The following PLXDC2 variants were observed in gnomAD, a reference collection of about 807,000 sequenced individuals.
PLXDC2 encodes the protein plexin domain-containing protein 2.
PLXDC2 carries 40 observed loss-of-function variants against 68.9 expected under a neutral mutation model. The ratio of observed to expected loss-of-function variants is 0.58; its 90% CI spans 0.45 to 0.76. The LOEUF (loss-of-function observed/expected upper bound fraction) is 0.76, where lower values mean the gene tolerates loss of function less well. PLXDC2 is among the 30% of genes least tolerant of loss of function. The pLI is 0.00. For synonymous variants in PLXDC2, 243 were observed against 234.2 expected, an observed-to-expected ratio of 1.04 and a Z score of -0.34; for missense variants, 644 against 661.9, an observed-to-expected ratio of 0.97 and a Z score of 0.30.
intron 1 of PLXDC2, among the ~76,000 whole-genome samples, chr10:19,952,108 T>G (rs530270004): frequency 2.0e-5 from 3 of 152,278 alleles, no homozygotes; most frequent in Non-Finnish European, 4.4e-5. Context: ...CATATACCCT[T>G]GTAGCAATCC....
At chr10:19,834,030 G>A (rs1836743313) in intron 1 of PLXDC2, among the ~76,000 whole-genome samples, 1 of 151,508 alleles carries the variant, frequency 6.6e-6, no homozygotes, top group South Asian at 2.1e-4. Flanking sequence ...GGCAATAGAA[G>A]TGGACGTCTT....
intron 4 of PLXDC2, among the ~76,000 whole-genome samples, chr10:20,130,352 T>C (rs1833850934): frequency 6.6e-6 from 1 of 152,188 alleles, no homozygotes; most frequent in Non-Finnish European, 1.5e-5. Flanking sequence ...ATGTTTATTG[T>C]GTATCTTGTA....
chr10:20,082,070 A>AAAAAAAAAAC (rs1554765383), intron 4 of PLXDC2, among the ~76,000 whole-genome samples: 236 of 121,962 alleles, frequency 1.9e-3, no homozygotes, highest in East Asian at 0.019. Flanking sequence ...AAATCAAAAA[A>AAAAAAAAAAC]AAAAAACAGG....
intron 4 of PLXDC2, among the ~76,000 whole-genome samples, chr10:20,142,781 T>A (rs1246001484): frequency 1.3e-5 from 2 of 151,966 alleles, no homozygotes; most frequent in African/African-American, 4.8e-5. Context: ...CATGGGTGTT[T>A]AGCCCCCTTT....
intron 6 of PLXDC2, among the ~76,000 whole-genome samples, chr10:20,159,841 T>G (rs1486873201): frequency 6.6e-6 from 1 of 152,150 alleles, no homozygotes. Context: ...ACATGACAGA[T>G]TTTCTTACTT....
At chr10:19,929,740 C>T (rs1338313305) in intron 1 of PLXDC2, among the ~76,000 whole-genome samples, 1 of 152,124 alleles carries the variant, frequency 6.6e-6, no homozygotes, top group African/African-American at 2.4e-5. Context: ...GAAATATAAC[C>T]ACTGATACAA....
intron 1 of PLXDC2, among the ~76,000 whole-genome samples, chr10:19,858,353 G>A (rs1186860773): frequency 3.3e-5 from 5 of 152,078 alleles, no homozygotes; most frequent in South Asian, 4.1e-4. Context: ...TTTTCAAACC[G>A]AAATCTGCAG....
intron 13 of PLXDC2, among the ~76,000 whole-genome samples, chr10:20,267,506 T>C (rs1835886291): frequency 6.6e-6 from 1 of 152,136 alleles, no homozygotes; most frequent in South Asian, 2.1e-4. Flanking sequence ...TGAACCATTC[T>C]ATGTAACTCA....
chr10:19,964,583 G>A (rs1834217072), intron 1 of PLXDC2, among the ~76,000 whole-genome samples: 1 of 152,176 alleles, frequency 6.6e-6, no homozygotes, highest in Non-Finnish European at 1.5e-5. Flanking sequence ...TAATGCCTCT[G>A]AGCCTTGGGT....
At chr10:20,149,229 C>CTTTTT (rs71200986) in intron 6 of PLXDC2, among the ~76,000 whole-genome samples, 199 of 34,962 alleles carry the variant, frequency 5.7e-3, no homozygotes, top group East Asian at 0.012. Flanking sequence ...TTTTTCTTTT[C>CTTTTT]TTTTTTTTTT....
intron 1 of PLXDC2, among the ~76,000 whole-genome samples, chr10:19,967,504 A>G (rs998460461): frequency 2.4e-4 from 37 of 152,304 alleles, no homozygotes; most frequent in African/African-American, 8.4e-4. Flanking sequence ...ATGAAACCTA[A>G]TCTTCGAACT....
intron 1 of PLXDC2, among the ~76,000 whole-genome samples, chr10:19,982,549 A>G (rs1442245653): frequency 2.6e-5 from 4 of 152,170 alleles, no homozygotes; most frequent in African/African-American, 9.7e-5. Flanking sequence ...ATTAATTAAC[A>G]TATATGTTTT....
intron 1 of PLXDC2, among the ~76,000 whole-genome samples, chr10:19,958,585 A>G (rs568237695): frequency 3.9e-5 from 6 of 152,106 alleles, no homozygotes; most frequent in Non-Finnish European, 8.8e-5. Flanking sequence ...CTGCATGTAA[A>G]ATATGATTTT....
chr10:20,213,103 T>G (rs145014471), intron 10 of PLXDC2, among the ~76,000 whole-genome samples: 6 of 152,268 alleles, frequency 3.9e-5, no homozygotes, highest in African/African-American at 9.6e-5. Flanking sequence ...TATATGCCTG[T>G]GCATCTTCTT....
intron 6 of PLXDC2, among the ~76,000 whole-genome samples, chr10:20,163,314 T>C (rs1564338482): frequency 1.3e-5 from 2 of 152,204 alleles, no homozygotes; most frequent in Admixed American, 6.5e-5. Context: ...TGAACTTTTT[T>C]CTTAATTTGT....
intron 1 of PLXDC2, among the ~76,000 whole-genome samples, chr10:19,847,678 T>C (rs1158474342): frequency 6.6e-6 from 1 of 152,232 alleles, no homozygotes; most frequent in African/African-American, 2.4e-5. Flanking sequence ...AACCTCAATG[T>C]ATTTCAGCCC....
chr10:20,120,634 G>A lies in PLXDC2; in HGVS notation c.542-22661G>A, dbSNP rs551248476. On this transcript the variant is annotated intron_variant, in intron 4 of 13. Coordinates refer to ENST00000377252, the MANE Select transcript of PLXDC2 (RefSeq NM_032812.9). ...CAGTGAAAGTGTCTACCTAGACTAC[G>A]AGGTATTTTAGTTATCTGACTCGGG... Among the ~76,000 whole-genome samples the A allele has an allele frequency of 5.3e-5, 8 of 152,248 alleles. No individual in the cohort carries two copies. The East Asian group carries it at 9.7e-4, about 18-fold the overall frequency.
chr10:19,890,071 T>C (rs1467262540), intron 1 of PLXDC2, among the ~76,000 whole-genome samples: 1 of 152,154 alleles, frequency 6.6e-6, no homozygotes, highest in Non-Finnish European at 1.5e-5. Context: ...TTTCAATTAT[T>C]AATGCCCGCT....
intron 4 of PLXDC2, among the ~76,000 whole-genome samples, chr10:20,072,228 G>T (rs1323367488): frequency 1.3e-5 from 2 of 151,756 alleles, no homozygotes; most frequent in Admixed American, 1.3e-4. Flanking sequence ...AAATTAGCCG[G>T]GCATGGTGGC....
Sources: allele counts gnomAD v4.1 joint callset (sites outside exome capture counted in the v4.1 genomes callset), GRCh38; gene constraint gnomAD v4.1.1; transcripts MANE v1.5; gene names NCBI Gene and HGNC (gene_info 2026-07-23, HGNC 2026-07-21).